The following CDH13 variants were observed in gnomAD, a reference collection of about 807,000 sequenced individuals.
CDH13 encodes the protein cadherin 13, also known as cadherin-13.
In CDH13, 24 loss-of-function variants were observed where a neutral mutation model predicts 63.8. The ratio of observed to expected loss-of-function variants is 0.38; its 90% CI spans 0.27 to 0.53. The LOEUF is 0.53. Among genes scored for constraint, CDH13 ranks in the 20% least tolerant of loss-of-function variants. The pLI, the probability that CDH13 is intolerant of heterozygous loss-of-function variation, is 0.85. For missense variants in CDH13, 1,049 were observed against 903.1 expected (o/e 1.16, Z -2.07); for synonymous variants, 503 against 355.3 (o/e 1.42, Z -4.67).
intron 1 of CDH13, among the ~76,000 whole-genome samples, chr16:82,700,370 G>T (rs1267305295): frequency 6.6e-6 from 1 of 152,146 alleles, no homozygotes; most frequent in Non-Finnish European, 1.5e-5. Context: ...CGTGACCAAC[G>T]TTCTATGCAG....
rs181707425 is a variant in CDH13, at chr16:82,804,837, T to C, written c.46-53525T>C. ...AGCTGTATATAAATTGTAAAACATA[T>C]TAAGAAATTTAGAGAAATAATCTAA... On this transcript the variant is annotated intron_variant, in intron 1 of 13. Coordinates refer to ENST00000567109, the MANE Select transcript of CDH13 (RefSeq NM_001257.5). 3.0e-4 allele frequency among the ~76,000 whole-genome samples: 46 copies of C among 152,320 alleles called. No individual in the cohort carries two copies. The South Asian group carries it at 7.7e-3, about 25-fold the overall frequency.
chr16:83,511,142 G>GTGCA (rs2074553597), intron 7 of CDH13, among the ~76,000 whole-genome samples: 3 of 150,230 alleles, frequency 2.0e-5, no homozygotes, highest in Non-Finnish European at 4.5e-5. Flanking sequence ...ACACATGCAC[G>GTGCA]CACATGCACA....
intron 6 of CDH13, among the ~76,000 whole-genome samples, chr16:83,399,132 G>A (rs914314890): frequency 6.6e-6 from 1 of 152,172 alleles, no homozygotes. Context: ...TAGATGGTTT[G>A]TTTCTGTAGA....
At chr16:83,025,440 GC>G (rs1384533623) in intron 2 of CDH13, among the ~76,000 whole-genome samples, 3 of 152,166 alleles carry the variant, frequency 2.0e-5, no homozygotes, top group Non-Finnish European at 4.4e-5. Flanking sequence ...TCTTCACATG[GC>G]AGCAGCAAGG....
intron 4 of CDH13, among the ~76,000 whole-genome samples, chr16:83,162,265 C>T (rs2037480815): frequency 6.6e-6 from 1 of 152,144 alleles, no homozygotes; most frequent in African/African-American, 2.4e-5. Context: ...TCCTCATCAT[C>T]ACCATCATTA....
intron 2 of CDH13, among the ~76,000 whole-genome samples, chr16:82,916,713 A>G (rs2042003907): frequency 6.6e-6 from 1 of 152,234 alleles, no homozygotes. Flanking sequence ...TTGTTAAAAT[A>G]TTTTAAACAA....
At chr16:83,790,000 G>A (rs1916154542) in intron 13 of CDH13, 1 of 152,014 alleles carries the variant, frequency 6.6e-6, no homozygotes, top group Non-Finnish European at 1.5e-5. Context: ...TGTAGGAGAA[G>A]ATAATCACGT....
At chr16:83,663,525 T>A (rs1353159759) in intron 8 of CDH13, among the ~76,000 whole-genome samples, 1 of 152,202 alleles carries the variant, frequency 6.6e-6, no homozygotes, top group Non-Finnish European at 1.5e-5. Context: ...TACCTTGTGT[T>A]TTTATTCTTG....
At chr16:83,090,943 T>C (rs2033876479) in intron 3 of CDH13, among the ~76,000 whole-genome samples, 1 of 152,128 alleles carries the variant, frequency 6.6e-6, no homozygotes, top group Non-Finnish European at 1.5e-5. Context: ...GTGGATATTC[T>C]TTTCTATTCC....
chr16:83,219,576 G>T (rs2151790696), intron 5 of CDH13, among the ~76,000 whole-genome samples: 1 of 152,194 alleles, frequency 6.6e-6, no homozygotes, highest in East Asian at 1.9e-4. Flanking sequence ...TCCTACATGG[G>T]TGACAATAAT....
chr16:83,300,229 A>T (rs945637640), intron 5 of CDH13, among the ~76,000 whole-genome samples: 3 of 152,262 alleles, frequency 2.0e-5, no homozygotes, highest in Non-Finnish European at 2.9e-5. Context: ...AGAAAAGGTC[A>T]ACTTAGAAAA....
intron 10 of CDH13, among the ~76,000 whole-genome samples, chr16:83,699,045 A>G (rs1038584945): frequency 1.3e-5 from 2 of 152,230 alleles, no homozygotes; most frequent in African/African-American, 4.8e-5. Context: ...CTTTAGGGGA[A>G]GGCCTGAATC....
chr16:82,776,185 G>A (rs569225988), intron 1 of CDH13, among the ~76,000 whole-genome samples: 1 of 151,126 alleles, frequency 6.6e-6, no homozygotes, highest in Non-Finnish European at 1.5e-5. Flanking sequence ...ATTCCAGCTT[G>A]GGTAACAGAG....
chr16:83,794,596 T>C (rs1014364793), intron 13 of CDH13, among the ~76,000 whole-genome samples: 1 of 151,922 alleles, frequency 6.6e-6, no homozygotes, highest in African/African-American at 2.4e-5. Flanking sequence ...AATAGGTATC[T>C]TGCTCTGTGA....
At chr16:83,381,346 C>G (rs985792390) in intron 6 of CDH13, among the ~76,000 whole-genome samples, 2 of 152,014 alleles carry the variant, frequency 1.3e-5, no homozygotes, top group Non-Finnish European at 2.9e-5. Context: ...TCCTGGATTT[C>G]TGACATCTGG....
chr16:83,181,100 A>T (rs1329558490), intron 4 of CDH13: 3 of 1,184,106 alleles, frequency 2.5e-6, no homozygotes, highest in Non-Finnish European at 3.5e-6. Flanking sequence ...CTGAATTTTG[A>T]TCACATTATT....
intron 1 of CDH13, among the ~76,000 whole-genome samples, chr16:82,659,670 G>A (rs1911706887): frequency 6.6e-6 from 1 of 152,130 alleles, no homozygotes; most frequent in Non-Finnish European, 1.5e-5. Flanking sequence ...CGAGGCACTG[G>A]AATACAATGG....
intron 5 of CDH13, among the ~76,000 whole-genome samples, chr16:83,334,358 C>CTT: frequency 3.2e-5 from 2 of 62,662 alleles, no homozygotes; most frequent in African/African-American, 1.3e-4. Context: ...CTCTCTCTCT[C>CTT]TCTCACACAC....
chr16:83,687,445 G>A (rs550540769), intron 10 of CDH13, among the ~76,000 whole-genome samples: 4 of 152,152 alleles, frequency 2.6e-5, no homozygotes, highest in South Asian at 2.1e-4. Context: ...TAGCTGGGCC[G>A]AGGTGCTACA....
Sources: gnomAD v4.1 joint callset for allele counts (sites outside exome capture counted in the v4.1 genomes callset) on GRCh38, gnomAD v4.1.1 for gene constraint, MANE v1.5 for transcripts, NCBI Gene and HGNC (gene_info 2026-07-23, HGNC 2026-07-21) for gene names.